The following KCNH1 variants were observed in gnomAD, a reference collection of about 807,000 sequenced individuals.
KCNH1 encodes the protein voltage-gated delayed rectifier potassium channel KCNH1.
Under a neutral mutation model 69.2 loss-of-function variants are expected in KCNH1, and 27 were observed. The ratio of observed to expected loss-of-function variants is 0.39; its 90% CI spans 0.29 to 0.54. The LOEUF (loss-of-function observed/expected upper bound fraction) is 0.54, where lower values mean the gene tolerates loss of function less well. Among genes scored for constraint, KCNH1 ranks in the 20% least tolerant of loss-of-function variants. KCNH1 has a pLI of 0.68. For missense variants in KCNH1, 798 were observed against 1,261.6 expected (o/e 0.63, Z 5.57); for synonymous variants, 456 against 487.7 (o/e 0.93, Z 0.86).
At chr1:210,917,227 GAGAGAAAGAAAGAAAGAAAGAAAGAA>G (rs1397514537) in intron 7 of KCNH1, among the ~76,000 whole-genome samples, 3 of 77,130 alleles carry the variant, frequency 3.9e-5, no homozygotes, top group African/African-American at 8.8e-5. Context: ...GAGAGAGAGA[GAGAGAAAGAAAGAAAGAAAGAAAGAA>G]AGAAAGAAAG....
chr1:210,844,090 T>C (rs1020540382), intron 7 of KCNH1, among the ~76,000 whole-genome samples: 2 of 152,212 alleles, frequency 1.3e-5, no homozygotes, highest in South Asian at 4.1e-4. Context: ...GCAAGCCAAG[T>C]TACAATTCCT....
intron 10 of KCNH1, among the ~76,000 whole-genome samples, chr1:210,753,469 G>A (rs1683325908): frequency 6.6e-6 from 1 of 152,226 alleles, no homozygotes; most frequent in South Asian, 2.1e-4. Flanking sequence ...CCATGGGGTT[G>A]TCCTCGGCTT....
At chr1:210,939,600 A>G (rs1336393667) in intron 6 of KCNH1, among the ~76,000 whole-genome samples, 1 of 152,200 alleles carries the variant, frequency 6.6e-6, no homozygotes, top group Non-Finnish European at 1.5e-5. Context: ...ATATTTATTG[A>G]GTGGTTTCTG....
chr1:210,829,729 T>A (rs751710518), intron 7 of KCNH1, among the ~76,000 whole-genome samples: 84 of 152,182 alleles, frequency 5.5e-4, no homozygotes, highest in Non-Finnish European at 8.1e-4. Context: ...TGAATTTTTT[T>A]AAAAGGCTTC....
chr1:210,778,554 T>G (rs1168323410), intron 9 of KCNH1, among the ~76,000 whole-genome samples: 1 of 144,126 alleles, frequency 6.9e-6, no homozygotes, highest in Non-Finnish European at 1.5e-5. Flanking sequence ...AAAAATTACC[T>G]GCCAGGTTAC....
chr1:210,781,753 C>A (rs1287908173), intron 9 of KCNH1, among the ~76,000 whole-genome samples: 2 of 152,186 alleles, frequency 1.3e-5, no homozygotes, highest in African/African-American at 4.8e-5. Context: ...AGAGAATATG[C>A]CCAAATCTCC....
At chr1:211,116,077 A>AG (rs1299331455) in intron 1 of KCNH1, among the ~76,000 whole-genome samples, 1 of 152,142 alleles carries the variant, frequency 6.6e-6, no homozygotes, top group Non-Finnish European at 1.5e-5. Flanking sequence ...TCAAGGCTGC[A>AG]GTGAGCTATG....
intron 5 of KCNH1, among the ~76,000 whole-genome samples, chr1:211,072,589 TA>T (rs1295813629): frequency 6.6e-6 from 1 of 152,210 alleles, no homozygotes; most frequent in African/African-American, 2.4e-5. Flanking sequence ...AAAGCAATGA[TA>T]CAAGGAATGA....
At chr1:210,708,523 C>A (rs758539604) in intron 10 of KCNH1, among the ~76,000 whole-genome samples, 12 of 152,038 alleles carry the variant, frequency 7.9e-5, no homozygotes, top group Non-Finnish European at 1.6e-4. Context: ...TAGTCATAGT[C>A]TCCATAAATT....
intron 10 of KCNH1, among the ~76,000 whole-genome samples, chr1:210,752,405 T>C (rs1683303070): frequency 6.6e-6 from 1 of 152,132 alleles, no homozygotes; most frequent in Non-Finnish European, 1.5e-5. Context: ...TTTGTGAATC[T>C]CTCCGTCAAG....
intron 9 of KCNH1, among the ~76,000 whole-genome samples, chr1:210,790,681 G>A (rs1026130906): frequency 6.6e-5 from 10 of 152,082 alleles, no homozygotes; most frequent in Non-Finnish European, 1.5e-4. Flanking sequence ...GTTGTATTTG[G>A]CAGCCCTACT....
intron 7 of KCNH1, among the ~76,000 whole-genome samples, chr1:210,873,508 C>A (rs919039532): frequency 3.3e-5 from 5 of 151,898 alleles, no homozygotes; most frequent in African/African-American, 1.2e-4. Flanking sequence ...CCACTGTGCC[C>A]AGCTTATTTT....
intron 7 of KCNH1, among the ~76,000 whole-genome samples, chr1:210,903,932 C>T (rs970948868): frequency 9.2e-5 from 14 of 152,286 alleles, no homozygotes; most frequent in African/African-American, 2.9e-4. Flanking sequence ...TTCCCATTCT[C>T]GCCCCTAAGA....
At chr1:210,826,012 T>C (rs910174012) in intron 7 of KCNH1, among the ~76,000 whole-genome samples, 1 of 152,210 alleles carries the variant, frequency 6.6e-6, no homozygotes, top group African/African-American at 2.4e-5. Context: ...TAAATCTGTT[T>C]ACTGAAATAT....
intron 6 of KCNH1, among the ~76,000 whole-genome samples, chr1:210,937,627 A>G (rs1279947719): frequency 3.9e-5 from 6 of 152,198 alleles, no homozygotes; most frequent in Non-Finnish European, 8.8e-5. Flanking sequence ...GTCCATGTCC[A>G]GTAGCAGCAG....
At chr1:210,870,877 T>A (rs1686226272) in intron 7 of KCNH1, among the ~76,000 whole-genome samples, 1 of 152,220 alleles carries the variant, frequency 6.6e-6, no homozygotes, top group South Asian at 2.1e-4. Flanking sequence ...CTTCAACCCA[T>A]CCTTCTTTAA....
intron 7 of KCNH1, among the ~76,000 whole-genome samples, chr1:210,805,728 T>C (rs1308111927): frequency 2.6e-5 from 4 of 152,196 alleles, no homozygotes; most frequent in East Asian, 3.8e-4. Context: ...ATAAACCCCA[T>C]ACCCATTAAC....
rs541418115 is a variant in KCNH1 at position 211,133,600 on chromosome 1, T to C, written c.79+267A>G. ...TACTTTGCTCAGCAGCTGTCACGCATCCTTGGAGATAAGACCGAGAGGGCG... is the reference window on the plus strand; with the variant it reads ...TACTTTGCTCAGCAGCTGTCACGCACCCTTGGAGATAAGACCGAGAGGGCG... On this transcript the variant is annotated intron_variant, in intron 1 of 10. Coordinates refer to ENST00000271751, the MANE Select transcript of KCNH1 (RefSeq NM_172362.3). This position sits in a 1 kb window ranked among gnomAD's most constrained non-coding sequence, Gnocchi z 5.4. Among the ~76,000 whole-genome samples the C allele has an allele frequency of 2.0e-5, 3 of 152,194 alleles. No individual in the cohort carries two copies. The highest frequency in any genetic ancestry group is 6.5e-5 in the Admixed American group (1 of 15,302).
intron 5 of KCNH1, among the ~76,000 whole-genome samples, chr1:211,082,547 C>A (rs551747332): frequency 4.9e-4 from 75 of 152,314 alleles, no homozygotes; most frequent in African/African-American, 1.6e-3. Flanking sequence ...TAATCTCAAG[C>A]AAGCTGAAAC....
Sources: allele counts gnomAD v4.1 joint callset (sites outside exome capture counted in the v4.1 genomes callset), GRCh38; gene constraint gnomAD v4.1.1; non-coding constraint Gnocchi (gnomAD v3.1); transcripts MANE v1.5; gene names NCBI Gene and HGNC (gene_info 2026-07-23, HGNC 2026-07-21).